The following GRID2 variants were observed in gnomAD, a reference collection of about 807,000 sequenced individuals.
GRID2 encodes glutamate ionotropic receptor delta type subunit 2, also known as glutamate receptor ionotropic, delta-2.
In GRID2, 33 loss-of-function variants were observed where a neutral mutation model predicts 114.8. The observed-to-expected ratio is 0.29, with a 90% CI of 0.22 to 0.38. GRID2 has a LOEUF of 0.38. Among genes scored for constraint, GRID2 ranks in the 10% least tolerant of loss-of-function variants. The pLI is 1.00. For synonymous variants in GRID2, 505 were observed against 449.9 expected (o/e 1.12, Z -1.55); for missense variants, 1,184 against 1,257.7 (o/e 0.94, Z 0.89).
rs549471066 is a variant in GRID2, at chr4:93,226,438, A to G, written c.1125+1663A>G. Reference sequence around the variant, plus strand: ...ACAATAACTGGTCCTAAGTAAGTCTAAAACCCAACACGAAAAATAATATTA... The same window carrying G: ...ACAATAACTGGTCCTAAGTAAGTCTGAAACCCAACACGAAAAATAATATTA... On this transcript the variant is annotated intron_variant, in intron 7 of 15. Transcript: ENST00000282020. Among the ~76,000 whole-genome samples the G allele has an allele frequency of 5.9e-5, 9 of 152,334 alleles. No individual in the cohort carries two copies. The South Asian group carries it at 1.9e-3, about 32-fold the overall frequency.
At chr4:92,596,311 G>A (rs896647962) in intron 2 of GRID2, among the ~76,000 whole-genome samples, 1 of 151,798 alleles carries the variant, frequency 6.6e-6, no homozygotes, top group Non-Finnish European at 1.5e-5. Context: ...CAAAGTCAAG[G>A]TTGTGCCTTG....
At chr4:92,796,599 T>C (rs1335062075) in intron 2 of GRID2, among the ~76,000 whole-genome samples, 1 of 151,908 alleles carries the variant, frequency 6.6e-6, no homozygotes, top group Non-Finnish European at 1.5e-5. Context: ...AGAATATATA[T>C]ATATTTTTCA....
chr4:93,183,314 G>T (rs758871806), intron 4 of GRID2, among the ~76,000 whole-genome samples: 1 of 152,068 alleles, frequency 6.6e-6, no homozygotes, highest in African/African-American at 2.4e-5. Context: ...TTATTAAATT[G>T]AAGATAATAC....
intron 11 of GRID2, among the ~76,000 whole-genome samples, chr4:93,484,149 C>T (rs538352567): frequency 4.6e-5 from 7 of 151,780 alleles, no homozygotes; most frequent in Admixed American, 1.3e-4. Context: ...CAGAAAAGTA[C>T]GTAACATATT....
intron 1 of GRID2, among the ~76,000 whole-genome samples, chr4:92,481,991 T>G (rs1210194759): frequency 2.4e-5 from 1 of 42,104 alleles, no homozygotes; most frequent in African/African-American, 1.1e-4. Context: ...GATATATATA[T>G]ATATATATAT....
At chr4:93,502,697 TCTC>T (rs1728227432) in intron 12 of GRID2, among the ~76,000 whole-genome samples, 1 of 136,530 alleles carries the variant, frequency 7.3e-6, no homozygotes, top group Non-Finnish European at 1.5e-5. Context: ...TTAATGGCTC[TCTC>T]CTCCACTCCC....
intron 2 of GRID2, among the ~76,000 whole-genome samples, chr4:92,718,818 C>T: frequency 7.7e-6 from 1 of 130,454 alleles, no homozygotes; most frequent in Middle Eastern, 5.3e-3. Context: ...ATAGTGGAAA[C>T]AGGAATAATC....
chr4:92,517,547 G>A (rs1724556863), intron 1 of GRID2, among the ~76,000 whole-genome samples: 1 of 151,790 alleles, frequency 6.6e-6, no homozygotes, highest in Admixed American at 6.6e-5. Flanking sequence ...AACTATATTG[G>A]CCTCATATCT....
intron 1 of GRID2, among the ~76,000 whole-genome samples, chr4:92,542,264 G>A (rs1296790753): frequency 1.3e-5 from 2 of 151,790 alleles, no homozygotes; most frequent in Admixed American, 6.6e-5. Flanking sequence ...AGTGAGCCTT[G>A]AGCACACCAC....
intron 13 of GRID2, among the ~76,000 whole-genome samples, chr4:93,587,891 C>T (rs908637723): frequency 1.3e-5 from 2 of 152,112 alleles, no homozygotes; most frequent in Admixed American, 1.3e-4. Context: ...AATTAAGAAA[C>T]ATTTTGCATA....
chr4:93,353,647 T>C (rs112995803), intron 8 of GRID2, among the ~76,000 whole-genome samples: 5 of 151,894 alleles, frequency 3.3e-5, no homozygotes, highest in African/African-American at 1.2e-4. Flanking sequence ...GGAAGAATAA[T>C]ATAGACACCT....
At chr4:92,839,351 T>C (rs185644788) in intron 2 of GRID2, among the ~76,000 whole-genome samples, 328 of 151,678 alleles carry the variant, frequency 2.2e-3, no homozygotes, top group Non-Finnish European at 3.4e-3. Context: ...ATGTGCCATG[T>C]TGGTGTGCTG....
rs145583171 is a variant in GRID2, at chr4:93,532,568, A to G, written c.2193+17157A>G. 8.5e-5 allele frequency among the ~76,000 whole-genome samples: 13 copies of G among 152,310 alleles called. No homozygotes were observed. The East Asian group carries it at 2.3e-3, about 27-fold the overall frequency. On this transcript the variant is annotated intron_variant, in intron 13 of 15. Transcript: ENST00000282020. ...GCAGGAGAGTTGTGAATTACAGTCAAGTGAAATGCTGTGCTTGAATTGTGA... is the reference window on the plus strand; with the variant it reads ...GCAGGAGAGTTGTGAATTACAGTCAGGTGAAATGCTGTGCTTGAATTGTGA...
At chr4:93,707,691 T>C (rs1383711779) in intron 14 of GRID2, among the ~76,000 whole-genome samples, 1 of 151,938 alleles carries the variant, frequency 6.6e-6, no homozygotes, top group Non-Finnish European at 1.5e-5. Flanking sequence ...ATTTCATGTG[T>C]TTTTACTCTG....
intron 2 of GRID2, among the ~76,000 whole-genome samples, chr4:92,695,492 T>A (rs1161665151): frequency 2.6e-5 from 4 of 152,140 alleles, no homozygotes; most frequent in Non-Finnish European, 5.9e-5. Flanking sequence ...TTTACAATGC[T>A]TGCAAATTTA....
chr4:93,536,380 G>A (rs2149521053), intron 13 of GRID2, among the ~76,000 whole-genome samples: 1 of 151,972 alleles, frequency 6.6e-6, no homozygotes, highest in African/African-American at 2.4e-5. Flanking sequence ...GAACAGAATA[G>A]GGACCCCAGA....
chr4:92,894,343 G>A (rs1172231492), intron 2 of GRID2, among the ~76,000 whole-genome samples: 3 of 152,092 alleles, frequency 2.0e-5, no homozygotes, highest in Non-Finnish European at 4.4e-5. Context: ...TAAGGTTCTA[G>A]ATGATGATTT....
At position 93,216,873 on chromosome 4, in the gene GRID2, T is replaced by C. The variant is rs1050384061; in HGVS notation, c.925T>C (p.Leu309=). The change falls in exon 6 of 16, where the codon TTG becomes CTG. Residue 309 remains leucine, a synonymous_variant. Transcript: ENST00000282020. Reference sequence around the variant, plus strand: ...TGGCAACCATCGAATATCTTCAACATTGTGTGATCCAAAGGATCCATTTGC... The same window carrying C: ...TGGCAACCATCGAATATCTTCAACACTGTGTGATCCAAAGGATCCATTTGC... The part of the protein sequence containing the change: ...FRGNHRISST[L]CDPKDPFAQN... The C allele has an allele frequency of 1.2e-6, 2 of 1,613,040 alleles. No individual in the cohort carries two copies. The highest frequency in any genetic ancestry group is 1.3e-5 in the African/African-American group (1 of 75,000).
At chr4:93,713,533 G>GACATGC (rs1728661912) in intron 14 of GRID2, among the ~76,000 whole-genome samples, 1 of 151,782 alleles carries the variant, frequency 6.6e-6, no homozygotes, top group African/African-American at 2.4e-5. Flanking sequence ...TGGTGAAAAA[G>GACATGC]ACATGCAAAA....
Sources: gnomAD v4.1 joint callset for allele counts (sites outside exome capture counted in the v4.1 genomes callset) on GRCh38, gnomAD v4.1.1 for gene constraint, MANE v1.5 for transcripts, NCBI Gene and HGNC (gene_info 2026-07-23, HGNC 2026-07-21) for gene names.